METAP2: variants seen among roughly 807,000 people sequenced by gnomAD.
METAP2 encodes methionine aminopeptidase 2.
In METAP2, 25 loss-of-function variants were observed where a neutral mutation model predicts 59.4. The observed-to-expected ratio is 0.42, with a 90% CI of 0.31 to 0.59. METAP2 has a LOEUF of 0.59. METAP2 is among the 20% of genes least tolerant of loss of function. METAP2 has a pLI of 0.16. For synonymous variants in METAP2, 214 were observed against 194.1 expected (o/e 1.10, Z -0.85); for missense variants, 366 against 581.2 (o/e 0.63, Z 3.81).
At chr12:95,501,995 A>ATT (rs113290129) in intron 7 of METAP2, among the ~76,000 whole-genome samples, 28 of 131,170 alleles carry the variant, frequency 2.1e-4, no homozygotes, top group East Asian at 4.4e-4. Context: ...TTTTAATATA[A>ATT]TTTTTTTTTT....
At chr12:95,503,420 C>T (rs751838016) in intron 7 of METAP2, among the ~76,000 whole-genome samples, 1 of 152,004 alleles carries the variant, frequency 6.6e-6, no homozygotes, top group African/African-American at 2.4e-5. Flanking sequence ...TGAGTATGGA[C>T]GGGAGGCCAT....
rs766155534 is a variant in METAP2 at position 95,513,926 on chromosome 12, A to G, written c.*22A>G. The G allele has an allele frequency of 1.9e-6, 3 of 1,590,748 alleles. No individual in the cohort carries two copies. Among genetic ancestry groups the G allele is most frequent in the African/African-American group, 1.3e-5 (1 of 74,090 alleles). The stretch of plus-strand genomic sequence containing the variant: ...TTAAACTTAGTCCAAAGCCACCTCA[A>G]CACCTTTATTTTCTGAGCTTTGTTG... On this transcript the variant is annotated 3_prime_UTR_variant, in exon 11 of 11. Transcript: ENST00000323666.
chr12:95,489,783 A>C (rs1485077240), intron 4 of METAP2, among the ~76,000 whole-genome samples: 1 of 152,214 alleles, frequency 6.6e-6, no homozygotes, highest in Non-Finnish European at 1.5e-5. Context: ...GGTTGCGGTG[A>C]GCTGAGATGA....
intron 9 of METAP2, among the ~76,000 whole-genome samples, chr12:95,512,399 A>G (rs934512641): frequency 6.6e-6 from 1 of 152,102 alleles, no homozygotes. Flanking sequence ...TTAATCAGGT[A>G]GAGACTTCAA....
At chr12:95,512,688 G>A in intron 9 of METAP2, 113 bp from the exon 10 acceptor site, 1 of 631,110 alleles carries the variant, frequency 1.6e-6, no homozygotes, top group Non-Finnish European at 2.7e-6. Flanking sequence ...CTCCAGCCTG[G>A]CAGCAGAGAG....
intron 8 of METAP2, among the ~76,000 whole-genome samples, chr12:95,510,569 T>G (rs1040964811): frequency 7.9e-5 from 12 of 152,160 alleles, no homozygotes; most frequent in African/African-American, 2.9e-4. Flanking sequence ...ACTCCTCCTG[T>G]TAGGTCCCAC....
intron 4 of METAP2, among the ~76,000 whole-genome samples, chr12:95,488,092 C>T (rs1332947195): frequency 6.6e-6 from 1 of 152,016 alleles, no homozygotes; most frequent in Non-Finnish European, 1.5e-5. Context: ...TAATAATTTC[C>T]AGTTCTTATA....
rs377595585 is a variant in METAP2 at position 95,494,005 on chromosome 12, A to G, written c.429-51A>G. ...TTACTTAGTATAGTTGTCAGCTTTTATGCTTGTTCTGCTGTTTTATCACTA... is the reference window on the plus strand; with the variant it reads ...TTACTTAGTATAGTTGTCAGCTTTTGTGCTTGTTCTGCTGTTTTATCACTA... On this transcript the variant is annotated intron_variant, in intron 4 of 10. Coordinates refer to ENST00000323666, the MANE Select transcript of METAP2 (RefSeq NM_006838.4). The G allele has an allele frequency of 2.6e-4, 394 of 1,503,670 alleles. 1 individual carries two copies. The highest frequency in any genetic ancestry group is 8.7e-4 in the Middle Eastern group (5 of 5,772). The allele number at this position is 1,503,670 out of a possible 1,614,324, so 93.1% of individuals were successfully genotyped here. A position where few individuals can be genotyped will look rare whatever the true frequency, so the allele number is the denominator to read the frequency against.
intron 2 of METAP2, among the ~76,000 whole-genome samples, chr12:95,481,732 C>G (rs953008176): frequency 1.1e-4 from 16 of 152,122 alleles, no homozygotes; most frequent in East Asian, 1.9e-4. Flanking sequence ...ATAACTTGCC[C>G]AAGGTCACCC....
intron 2 of METAP2, among the ~76,000 whole-genome samples, chr12:95,476,970 C>T (rs1003545530): frequency 4.6e-5 from 7 of 152,176 alleles, no homozygotes; most frequent in South Asian, 4.1e-4. Flanking sequence ...CATGGCTTTA[C>T]CCAGCCATCT....
intron 2 of METAP2, among the ~76,000 whole-genome samples, chr12:95,479,538 C>G (rs971933698): frequency 2.6e-5 from 4 of 151,906 alleles, no homozygotes; most frequent in African/African-American, 4.8e-5. Context: ...TGACAGTGTG[C>G]TGGAGGTAAT....
chr12:95,476,616 C>G (rs941264421), intron 2 of METAP2, among the ~76,000 whole-genome samples: 2 of 152,072 alleles, frequency 1.3e-5, no homozygotes, highest in Non-Finnish European at 2.9e-5. Context: ...TCACTTGTTA[C>G]CTCAATTAAT....
chr12:95,481,246 A>C (rs113995993), intron 2 of METAP2, among the ~76,000 whole-genome samples: 1 of 152,158 alleles, frequency 6.6e-6, no homozygotes, highest in East Asian at 1.9e-4. Context: ...TTGTCTCTGC[A>C]AAAGATTAAA....
intron 3 of METAP2, 171 bp from the exon 4 acceptor site, chr12:95,485,708 A>G: frequency 2.0e-6 from 1 of 511,708 alleles, no homozygotes; most frequent in Non-Finnish European, 3.4e-6. Flanking sequence ...GCAGCAATAA[A>G]TCATTGAGGA....
chr12:95,506,792 A>ATGCTTATTTATT (rs2076363528), intron 8 of METAP2, among the ~76,000 whole-genome samples: 2 of 99,218 alleles, frequency 2.0e-5, no homozygotes, highest in East Asian at 3.9e-4. Flanking sequence ...GCAAAGCAGA[A>ATGCTTATTTATT]TACTTATTTA....
Position 95,494,960 on chromosome 12 carries a change from A to G in METAP2, c.594A>G (p.Glu198=). ...TCCCTTTGCTTTTTTGTTTTAGTGA[A>G]AAGTTGGAAGACTGTTCACGCAAGT... ...KPGMTMIEIC[E]KLEDCSRKLI... is the part of the protein sequence containing the mutation. Residue 198 remains glutamate (E), a synonymous_variant, in exon 6 of 11, where the codon GAA becomes GAG. Coordinates refer to ENST00000323666, the MANE Select transcript of METAP2 (RefSeq NM_006838.4). The G allele has an allele frequency of 6.2e-7, 1 of 1,606,564 alleles. No homozygotes were observed.
At chr12:95,512,211 T>G (rs2076408008) in intron 9 of METAP2, among the ~76,000 whole-genome samples, 1 of 152,212 alleles carries the variant, frequency 6.6e-6, no homozygotes, top group South Asian at 2.1e-4. Context: ...GGGTTGTTTA[T>G]TCAACATTTA....
At position 95,498,712 on chromosome 12, in the gene METAP2, C is replaced by T. The variant is rs534358788; in HGVS notation, c.867+2614C>T. On this transcript the variant is annotated intron_variant, in intron 7 of 10. Transcript: ENST00000323666. ...CTTTTGCTTTTCAATGGTTTTGACA[C>T]CCTTGTCAAAGCTCATCTGGGTCAG... Among the ~76,000 whole-genome samples the T allele has an allele frequency of 4.4e-4, 67 of 152,274 alleles. No homozygotes were observed. In the East Asian group the frequency reaches 0.013, roughly 29 times the overall value.
At chr12:95,486,105 A>C (rs2076194631) in intron 4 of METAP2, 124 bp downstream of exon 4, 1 of 679,704 alleles carries the variant, frequency 1.5e-6, no homozygotes, top group Admixed American at 3.6e-5. Flanking sequence ...TTTGTCATAA[A>C]GAAGATACAG....
Sources: gnomAD v4.1 joint callset for allele counts (sites outside exome capture counted in the v4.1 genomes callset) on GRCh38, gnomAD v4.1.1 for gene constraint, MANE v1.5 for transcripts, NCBI Gene and HGNC (gene_info 2026-07-23, HGNC 2026-07-21) for gene names.